The following SPIDR variants were observed in gnomAD, a reference collection of about 807,000 sequenced individuals.
SPIDR encodes the protein scaffold protein involved in DNA repair, also known as DNA repair-scaffolding protein.
Under a neutral mutation model 104.6 loss-of-function variants are expected in SPIDR, and 93 were observed. That is an observed-to-expected ratio of 0.89 (90% CI 0.75 to 1.06). The LOEUF is 1.06. SPIDR is among the 50% of genes least tolerant of loss of function. SPIDR has a pLI of 0.00. For missense variants in SPIDR, 1,154 were observed against 1,111.2 expected, an observed-to-expected ratio of 1.04 and a Z score of -0.55; for synonymous variants, 431 against 416.9, an observed-to-expected ratio of 1.03 and a Z score of -0.41.
chr8:47,508,437 T>G (rs945818996), intron 8 of SPIDR, among the ~76,000 whole-genome samples: 1 of 152,216 alleles, frequency 6.6e-6, no homozygotes, highest in Non-Finnish European at 1.5e-5. Context: ...ACTGTCATTC[T>G]CAAAGACCTA....
At chr8:47,571,612 T>A (rs1333737324) in intron 8 of SPIDR, among the ~76,000 whole-genome samples, 2 of 152,190 alleles carry the variant, frequency 1.3e-5, no homozygotes, top group Admixed American at 6.5e-5. Context: ...TAAGCATAAT[T>A]GCCATTATTA....
intron 8 of SPIDR, among the ~76,000 whole-genome samples, chr8:47,536,250 A>G (rs1464448623): frequency 6.6e-6 from 1 of 152,148 alleles, no homozygotes; most frequent in Non-Finnish European, 1.5e-5. Context: ...TGTAATTCCA[A>G]TCAAAATGCC....
At chr8:47,355,112 C>T (rs541913708) in intron 5 of SPIDR, among the ~76,000 whole-genome samples, 5 of 152,104 alleles carry the variant, frequency 3.3e-5, no homozygotes, top group Middle Eastern at 3.4e-3. Flanking sequence ...CCCGCCACCA[C>T]GCCTAAATAA....
intron 10 of SPIDR, among the ~76,000 whole-genome samples, chr8:47,629,494 T>C (rs1043968236): frequency 6.6e-6 from 1 of 152,220 alleles, no homozygotes; most frequent in African/African-American, 2.4e-5. Flanking sequence ...GGCTCATGCC[T>C]GTAATCCCAA....
chr8:47,540,547 G>T (rs1236308607), intron 8 of SPIDR, among the ~76,000 whole-genome samples: 1 of 152,146 alleles, frequency 6.6e-6, no homozygotes, highest in Non-Finnish European at 1.5e-5. Flanking sequence ...GCCTACCAAG[G>T]CTGGGCATTG....
At chr8:47,541,879 C>T (rs1266103250) in intron 8 of SPIDR, among the ~76,000 whole-genome samples, 1 of 152,018 alleles carries the variant, frequency 6.6e-6, no homozygotes, top group Non-Finnish European at 1.5e-5. Context: ...TGCAGTGAGC[C>T]GAGATTGCGC....
intron 8 of SPIDR, among the ~76,000 whole-genome samples, chr8:47,576,526 C>A (rs547854937): frequency 3.0e-4 from 46 of 152,140 alleles, no homozygotes; most frequent in Admixed American, 2.4e-3. Context: ...CTGTGCCTCC[C>A]AGGTTCAAAC....
chr8:47,271,760 A>G (rs1800637514), intron 1 of SPIDR, among the ~76,000 whole-genome samples: 1 of 151,840 alleles, frequency 6.6e-6, no homozygotes, highest in Non-Finnish European at 1.5e-5. Flanking sequence ...TTTCCTTATC[A>G]TGCTTTCCTG....
chr8:47,439,139 G>A (rs1017067917), intron 7 of SPIDR, among the ~76,000 whole-genome samples: 6 of 152,110 alleles, frequency 3.9e-5, no homozygotes, highest in African/African-American at 1.4e-4. Flanking sequence ...AGTAACACAT[G>A]TCAATCCTTT....
intron 11 of SPIDR, among the ~76,000 whole-genome samples, chr8:47,686,447 C>G (rs962482261): frequency 6.6e-6 from 1 of 152,100 alleles, no homozygotes; most frequent in Non-Finnish European, 1.5e-5. Context: ...CCAAGAAAAT[C>G]TCTGTTAATA....
chr8:47,626,017 A>G (rs1411225233), intron 10 of SPIDR, among the ~76,000 whole-genome samples: 1 of 152,244 alleles, frequency 6.6e-6, no homozygotes, highest in Non-Finnish European at 1.5e-5. Context: ...CCAAAACAGC[A>G]TGGTACTGGT....
At chr8:47,570,351 C>T (rs1182855039) in intron 8 of SPIDR, among the ~76,000 whole-genome samples, 1 of 152,112 alleles carries the variant, frequency 6.6e-6, no homozygotes, top group African/African-American at 2.4e-5. Flanking sequence ...GCTGGGACTA[C>T]CAGATATCCA....
In SPIDR at chr8:47,498,091, A is replaced by G. The variant is rs1197089208; in HGVS notation, c.1097+57549A>G. Among the ~76,000 whole-genome samples, 3 of 152,214 alleles carry G rather than the reference A, an allele frequency of 2.0e-5. No individual in the cohort carries two copies. The East Asian group carries it at 5.8e-4, about 29-fold the overall frequency. On this transcript the variant is annotated intron_variant, in intron 8 of 19. Coordinates refer to ENST00000297423, the MANE Select transcript of SPIDR (RefSeq NM_001080394.4). ...TAACATCAATACAAACATAATGTCA[A>G]GAATTAACTGTAACTTTCAATGTTG... is the stretch of plus-strand genomic sequence containing the variant.
At chr8:47,650,838 A>C (rs1043446250) in intron 10 of SPIDR, among the ~76,000 whole-genome samples, 2 of 152,198 alleles carry the variant, frequency 1.3e-5, no homozygotes, top group African/African-American at 2.4e-5. Context: ...AGCATATAAA[A>C]ACATAGATTA....
chr8:47,635,977 A>C (rs948075876), intron 10 of SPIDR, among the ~76,000 whole-genome samples: 1 of 152,208 alleles, frequency 6.6e-6, no homozygotes, highest in Non-Finnish European at 1.5e-5. Context: ...AATGCTATAC[A>C]GGCATGGCTC....
At chr8:47,699,561 CT>C (rs1232787044) in intron 11 of SPIDR, among the ~76,000 whole-genome samples, 44 of 148,312 alleles carry the variant, frequency 3.0e-4, no homozygotes, top group South Asian at 8.5e-4. Context: ...CTTCAGATAA[CT>C]TTTTTTTTTT....
chr8:47,721,678 T>C (rs1370996150), intron 16 of SPIDR, among the ~76,000 whole-genome samples: 2 of 152,094 alleles, frequency 1.3e-5, no homozygotes, highest in Admixed American at 1.3e-4. Context: ...GGTTTCACCA[T>C]GTTAGCCAGG....
chr8:47,268,526 A>G (rs2154212567), intron 1 of SPIDR, among the ~76,000 whole-genome samples: 1 of 152,334 alleles, frequency 6.6e-6, no homozygotes, highest in Non-Finnish European at 1.5e-5. Context: ...AAAGTCCTGC[A>G]CTTCTTTGGT....
intron 8 of SPIDR, among the ~76,000 whole-genome samples, chr8:47,464,115 C>T (rs1287492603): frequency 2.9e-4 from 2 of 7,006 alleles, no homozygotes; most frequent in Admixed American, 2.5e-3. Flanking sequence ...AAAGATTATA[C>T]ACACACACAC....
Sources: gnomAD v4.1 joint callset for allele counts (sites outside exome capture counted in the v4.1 genomes callset) on GRCh38, gnomAD v4.1.1 for gene constraint, MANE v1.5 for transcripts, NCBI Gene and HGNC (gene_info 2026-07-23, HGNC 2026-07-21) for gene names.